TRHDE: variants seen among roughly 807,000 people sequenced by gnomAD.
TRHDE encodes the protein thyrotropin-releasing hormone-degrading ectoenzyme.
A neutral mutation model predicts 125.7 loss-of-function variants in TRHDE; 72 were observed. That is an observed-to-expected ratio of 0.57 (90% CI 0.47 to 0.70). The LOEUF (loss-of-function observed/expected upper bound fraction) is 0.70. Ranked by LOEUF, TRHDE falls within the 30% of genes least tolerant of loss-of-function variation. The pLI is 0.00. For missense variants in TRHDE, 1,110 were observed against 1,327.1 expected (o/e 0.84, Z 2.54); for synonymous variants, 509 against 509.1 (o/e 1.00, Z 0.00).
intron 6 of TRHDE, among the ~76,000 whole-genome samples, chr12:72,517,567 C>A (rs1237969357): frequency 6.6e-6 from 1 of 152,032 alleles, no homozygotes; most frequent in Non-Finnish European, 1.5e-5. Flanking sequence ...AGCGGTCTAT[C>A]AGTTTTGTTG....
At chr12:72,438,105 G>A (rs1874825906) in intron 3 of TRHDE, among the ~76,000 whole-genome samples, 2 of 151,604 alleles carry the variant, frequency 1.3e-5, no homozygotes, top group Admixed American at 6.6e-5. Context: ...CAAATGACAG[G>A]CTTTTCTTCT....
chr12:72,496,745 CT>C (rs919565587), intron 5 of TRHDE, among the ~76,000 whole-genome samples: 14 of 152,066 alleles, frequency 9.2e-5, no homozygotes, highest in African/African-American at 3.4e-4. Flanking sequence ...GCTAGGATTT[CT>C]TTATTTTTAA....
chr12:72,392,522 CA>C (rs1872647423), intron 3 of TRHDE, among the ~76,000 whole-genome samples: 1 of 152,126 alleles, frequency 6.6e-6, no homozygotes, highest in African/African-American at 2.4e-5. Context: ...TCACAATGAT[CA>C]GCAAACTTTT....
chr12:72,402,959 A>G (rs1873107998), intron 3 of TRHDE, among the ~76,000 whole-genome samples: 1 of 152,112 alleles, frequency 6.6e-6, no homozygotes, highest in Admixed American at 6.5e-5. Context: ...GCTTCGTCCA[A>G]TCTCATTATT....
At chr12:72,473,273 C>T in intron 5 of TRHDE, 93 bp downstream of exon 5, 1 of 843,166 alleles carries the variant, frequency 1.2e-6, no homozygotes, top group Admixed American at 2.4e-5. Flanking sequence ...CTAAAAATAC[C>T]AACTGATGCA....
intron 2 of TRHDE, among the ~76,000 whole-genome samples, chr12:72,304,552 C>T (rs1393997628): frequency 6.6e-6 from 1 of 152,144 alleles, no homozygotes; most frequent in African/African-American, 2.4e-5. Flanking sequence ...ATAGCTAGTT[C>T]ATGAATCAAG....
Position 72,652,436 on chromosome 12 carries a change from G to T in TRHDE, c.2790G>T (p.Lys930Asn). The T allele has an allele frequency of 6.2e-7, 1 of 1,608,536 alleles. No individual in the cohort carries two copies. The highest frequency in any genetic ancestry group is 1.1e-5 in the South Asian group (1 of 90,576). The change falls in exon 16 of 19, where the codon AAG becomes AAT. Residue 930 changes from lysine (K) to asparagine (N), a missense_variant. Lys to Asn is a moderately conservative substitution (Grantham distance 94). Around this residue, in one of 5 missense-constraint regions of TRHDE, gnomAD observed 527 missense variants for 651.8 expected, o/e 0.81. Coordinates refer to ENST00000261180, the MANE Select transcript of TRHDE (RefSeq NM_013381.3). ...KFHSTTAVSE[K>N]KILLEALTCS... ...ATTCCACCACAGCAGTTTCTGAGAAGAAAATATTATTGGAAGCCTTAACTT... is the reference window on the plus strand; with the variant it reads ...ATTCCACCACAGCAGTTTCTGAGAATAAAATATTATTGGAAGCCTTAACTT...
At chr12:72,551,178 T>G (rs1869655575) in intron 7 of TRHDE, among the ~76,000 whole-genome samples, 1 of 152,074 alleles carries the variant, frequency 6.6e-6, no homozygotes, top group Non-Finnish European at 1.5e-5. Flanking sequence ...TACAAATTAG[T>G]GGCTTAGGAG....
At chr12:72,365,397 A>G (rs1592391818) in intron 2 of TRHDE, among the ~76,000 whole-genome samples, 1 of 152,138 alleles carries the variant, frequency 6.6e-6, no homozygotes, top group East Asian at 1.9e-4. Flanking sequence ...ATGATTCAGA[A>G]CTTCTGGTGT....
chr12:72,583,173 A>G (rs1315373912), intron 12 of TRHDE, among the ~76,000 whole-genome samples: 1 of 152,246 alleles, frequency 6.6e-6, no homozygotes, highest in Non-Finnish European at 1.5e-5. Flanking sequence ...AAGGATAAAT[A>G]TTAAATGATT....
chr12:72,439,117 C>A (rs1565741846), intron 3 of TRHDE, among the ~76,000 whole-genome samples: 1 of 151,656 alleles, frequency 6.6e-6, no homozygotes, highest in Non-Finnish European at 1.5e-5. Context: ...TGGATGCATG[C>A]ATTTATTTCT....
chr12:72,239,466 C>G (rs1255369899), intron 2 of TRHDE, among the ~76,000 whole-genome samples: 1 of 152,126 alleles, frequency 6.6e-6, no homozygotes, highest in Non-Finnish European at 1.5e-5. Flanking sequence ...TTGCCCATGC[C>G]TATGTCCTGA....
At position 72,665,646 on chromosome 12, in the gene TRHDE, T is replaced by C. The variant is rs463981; in HGVS notation, c.*2451T>C. 3.9e-5 allele frequency: 6 copies of C among 151,924 alleles called. No individual in the cohort carries two copies. The highest frequency in any genetic ancestry group is 7.4e-5 in the Non-Finnish European group (5 of 67,952). 9.4% of individuals were successfully genotyped at this position (151,924 alleles called of 1,614,324 possible). On this transcript the variant is annotated 3_prime_UTR_variant, in exon 19 of 19. Coordinates refer to ENST00000261180, the MANE Select transcript of TRHDE (RefSeq NM_013381.3). ...ATAAAATTCTATTTTCTACTTAGAGTTTTTATCTTTTCTTTTTTGTCGGCT... is the reference window on the plus strand; with the variant it reads ...ATAAAATTCTATTTTCTACTTAGAGCTTTTATCTTTTCTTTTTTGTCGGCT...
intron 2 of TRHDE, among the ~76,000 whole-genome samples, chr12:72,300,428 TTA>T (rs1487109206): frequency 6.6e-6 from 1 of 151,510 alleles, no homozygotes; most frequent in Non-Finnish European, 1.5e-5. Context: ...GAGATATGTA[TTA>T]TATATGTGTG....
At chr12:72,428,413 T>C (rs144118486) in intron 3 of TRHDE, among the ~76,000 whole-genome samples, 29 of 152,238 alleles carry the variant, frequency 1.9e-4, no homozygotes, top group African/African-American at 7.0e-4. Flanking sequence ...TGTATATGTA[T>C]ATATTTATGT....
chr12:72,149,819 A>C (rs1295210459), intron 2 of TRHDE, among the ~76,000 whole-genome samples: 3 of 152,132 alleles, frequency 2.0e-5, no homozygotes, highest in Non-Finnish European at 2.9e-5. Flanking sequence ...TCATTCATTA[A>C]AATATTGTGC....
intron 15 of TRHDE, among the ~76,000 whole-genome samples, chr12:72,645,691 A>T (rs187337335): frequency 2.0e-4 from 30 of 151,964 alleles, no homozygotes; most frequent in Admixed American, 1.8e-3. Flanking sequence ...TGGCAAAAGT[A>T]AAAAAGAGAA....
intron 2 of TRHDE, among the ~76,000 whole-genome samples, chr12:72,164,671 C>G (rs929185478): frequency 1.3e-5 from 2 of 152,166 alleles, no homozygotes; most frequent in Non-Finnish European, 2.9e-5. Flanking sequence ...CCAGTGATGA[C>G]AGAATGGGCA....
chr12:72,160,469 G>A (rs772318904), intron 2 of TRHDE, among the ~76,000 whole-genome samples: 1 of 152,110 alleles, frequency 6.6e-6, no homozygotes, highest in African/African-American at 2.4e-5. Context: ...TGGATCACCT[G>A]AGGTCAGCAG....
Sources: allele counts gnomAD v4.1 joint callset (sites outside exome capture counted in the v4.1 genomes callset), GRCh38; gene constraint gnomAD v4.1.1; regional missense constraint gnomAD v4.1.1; transcripts MANE v1.5; gene names NCBI Gene and HGNC (gene_info 2026-07-23, HGNC 2026-07-21).